Variants in ITIH5 observed in about 807,000 individuals in gnomAD.
ITIH5 encodes the protein inter-alpha-trypsin inhibitor heavy chain H5.
ITIH5 carries 65 observed loss-of-function variants against 77.5 expected under a neutral mutation model. The ratio of observed to expected loss-of-function variants is 0.84; its 90% confidence interval spans 0.69 to 1.03. The LOEUF (loss-of-function observed/expected upper bound fraction) is 1.03, where lower values mean the gene tolerates loss of function less well. ITIH5 is among the 50% of genes least tolerant of loss of function. ITIH5 has a pLI of 0.00. For synonymous variants in ITIH5, 525 were observed against 494.3 expected (o/e 1.06, Z -0.82); for missense variants, 1,208 against 1,213.1 (o/e 1.00, Z 0.06).
At chr10:7,599,723 GA>G (rs1478214490) in intron 7 of ITIH5, among the ~76,000 whole-genome samples, 6 of 152,154 alleles carry the variant, frequency 3.9e-5, no homozygotes, top group Admixed American at 2.0e-4. Flanking sequence ...GACAGGCTGG[GA>G]AAAAGCCATG....
chr10:7,659,187 G>A (rs543981489), intron 1 of ITIH5, among the ~76,000 whole-genome samples: 58 of 152,184 alleles, frequency 3.8e-4, no homozygotes, highest in African/African-American at 1.4e-3. Context: ...AACCAACCTG[G>A]CCAACATGGT....
intron 10 of ITIH5, among the ~76,000 whole-genome samples, chr10:7,575,876 T>C (rs143293661): frequency 6.6e-6 from 1 of 152,354 alleles, no homozygotes; most frequent in African/African-American, 2.4e-5. Flanking sequence ...TGATGCTTTA[T>C]TGATGGACTG....
At chr10:7,666,447 C>G (rs1461714083) in intron 1 of ITIH5, among the ~76,000 whole-genome samples, 1 of 152,026 alleles carries the variant, frequency 6.6e-6, no homozygotes, top group Non-Finnish European at 1.5e-5. Flanking sequence ...ATGATAACAG[C>G]AGACTGCCCC....
At chr10:7,566,498 C>A (rs942463007) in intron 12 of ITIH5, 91 bp from the exon 13 acceptor site, 3 of 1,317,490 alleles carry the variant, frequency 2.3e-6, no homozygotes, top group East Asian at 2.3e-5. Context: ...AAGGCCAGGG[C>A]AGGTGGATTG....
chr10:7,609,816 G>C (rs1006602787), intron 7 of ITIH5, among the ~76,000 whole-genome samples: 2 of 152,066 alleles, frequency 1.3e-5, no homozygotes, highest in Non-Finnish European at 2.9e-5. Context: ...GTCACTGCTT[G>C]GTTGCCAAAG....
intron 7 of ITIH5, among the ~76,000 whole-genome samples, chr10:7,591,078 G>T (rs1321424971): frequency 1.3e-5 from 2 of 152,174 alleles, no homozygotes; most frequent in Non-Finnish European, 2.9e-5. Flanking sequence ...TTCTATTTTA[G>T]TAGAGACGGG....
chr10:7,568,481 T>C lies in ITIH5; in HGVS notation c.2149+1187A>G, dbSNP rs574600721. The stretch of plus-strand genomic sequence containing the variant: ...AATAGGAGGTATTTCCAAGGACATA[T>C]ACAGTTAGGCCCCTATCTTGCTCCT... On this transcript the variant is annotated intron_variant, in intron 12 of 13. Transcript: ENST00000397146. Among the ~76,000 whole-genome samples, 31 of 152,268 alleles carry C rather than the reference T, an allele frequency of 2.0e-4. 1 individual carries two copies. The highest frequency in any genetic ancestry group is 1.5e-3 in the South Asian group (7 of 4,824).
chr10:7,619,737 G>A, intron 5 of ITIH5: 1 of 180,166 alleles, frequency 5.6e-6, no homozygotes, highest in Admixed American at 5.5e-5. Flanking sequence ...TCACTATCAC[G>A]AGAACAGCAA....
chr10:7,567,796 C>A (rs2130942126), intron 12 of ITIH5, among the ~76,000 whole-genome samples: 1 of 152,248 alleles, frequency 6.6e-6, no homozygotes, highest in South Asian at 2.1e-4. Context: ...ATCACTTAAA[C>A]CCAGGAGGTG....
intron 7 of ITIH5, among the ~76,000 whole-genome samples, chr10:7,595,650 T>C (rs573070553): frequency 1.1e-4 from 17 of 152,252 alleles, no homozygotes; most frequent in Non-Finnish European, 1.9e-4. Flanking sequence ...TTAGATTTAC[T>C]ATTAAGTAAG....
chr10:7,598,216 T>C (rs1303485616), intron 7 of ITIH5, among the ~76,000 whole-genome samples: 3 of 152,322 alleles, frequency 2.0e-5, no homozygotes, highest in South Asian at 4.1e-4. Flanking sequence ...ATATAATTCA[T>C]ATTAAAAATA....
intron 7 of ITIH5, among the ~76,000 whole-genome samples, chr10:7,599,272 G>C (rs1182114105): frequency 6.6e-6 from 1 of 152,102 alleles, no homozygotes; most frequent in East Asian, 1.9e-4. Flanking sequence ...TAGTACATAG[G>C]CTTGACAGCC....
chr10:7,656,977 C>T lies in ITIH5; in HGVS notation c.91-1302G>A, dbSNP rs551891745. 1.2e-4 allele frequency among the ~76,000 whole-genome samples: 18 copies of T among 149,926 alleles called. No individual in the cohort carries two copies. In the South Asian group the frequency reaches 2.5e-3, roughly 21 times the overall value. On this transcript the variant is annotated intron_variant, in intron 1 of 13. Transcript: ENST00000397146. ...CAGGCTGGTCTCGAACTCCTGACCTCGTGATTCACCTGCCTTGGCCTCCCA... is the reference window on the plus strand; with the variant it reads ...CAGGCTGGTCTCGAACTCCTGACCTTGTGATTCACCTGCCTTGGCCTCCCA...
rs573021557 is a variant in ITIH5 at position 7,644,490 on chromosome 10, T to G, written c.136-2400A>C. On this transcript the variant is annotated intron_variant, in intron 2 of 13. Coordinates refer to ENST00000397146, the MANE Select transcript of ITIH5 (RefSeq NM_030569.7). ...TATAGATCATATATAATCACATATATATCATAATCACATATATATGATATA... is the reference window on the plus strand; with the variant it reads ...TATAGATCATATATAATCACATATAGATCATAATCACATATATATGATATA... Among the ~76,000 whole-genome samples, 15 of 132,242 alleles carry G rather than the reference T, an allele frequency of 1.1e-4. 1 individual carries two copies. The highest frequency in any genetic ancestry group is 7.0e-4 in the South Asian group (3 of 4,296). 86.8% of individuals were successfully genotyped at this position (132,242 alleles called of 152,430 possible).
intron 12 of ITIH5, among the ~76,000 whole-genome samples, chr10:7,568,996 CTT>C (rs1178652740): frequency 6.8e-5 from 9 of 132,048 alleles, no homozygotes; most frequent in African/African-American, 2.2e-4. Flanking sequence ...GTTTTCTTTT[CTT>C]TTTTTCTTTT....
chr10:7,653,422 G>T (rs1011942346), intron 2 of ITIH5, among the ~76,000 whole-genome samples: 2 of 152,102 alleles, frequency 1.3e-5, no homozygotes, highest in African/African-American at 2.4e-5. Flanking sequence ...TAGCCAGGCT[G>T]GTCTTGAACT....
At chr10:7,640,954 T>C (rs1833876251) in intron 3 of ITIH5, 99 bp from the exon 4 acceptor site, 1 of 839,104 alleles carries the variant, frequency 1.2e-6, no homozygotes, top group South Asian at 1.4e-5. Context: ...TATTTTTATT[T>C]GCCTTTTGGA....
Position 7,561,281 on chromosome 10 carries a change from C to T in ITIH5, c.*1802G>A, listed in dbSNP as rs1476999504. On this transcript the variant is annotated 3_prime_UTR_variant, in exon 14 of 14. Coordinates refer to ENST00000397146, the MANE Select transcript of ITIH5 (RefSeq NM_030569.7). The stretch of plus-strand genomic sequence containing the variant: ...CTCATTTCTGCAGTGTCGAGACTTA[C>T]ACCTGGAACAACAGATCACTGCTCC... 4 of 152,248 alleles carry T rather than the reference C, an allele frequency of 2.6e-5. No homozygotes were observed. The highest frequency in any genetic ancestry group is 7.2e-5 in the African/African-American group (3 of 41,458). 9.4% of individuals were successfully genotyped at this position (152,248 alleles called of 1,614,324 possible). A position where few individuals can be genotyped will look rare whatever the true frequency, so the allele number is the denominator to read the frequency against.
At chr10:7,609,618 T>G in intron 7 of ITIH5, 1 of 377,866 alleles carries the variant, frequency 2.6e-6, no homozygotes, top group South Asian at 2.0e-5. Context: ...TCATTTTAAC[T>G]TGACAATTAC....
Sources: gnomAD v4.1 joint callset for allele counts (sites outside exome capture counted in the v4.1 genomes callset) on GRCh38, gnomAD v4.1.1 for gene constraint, MANE v1.5 for transcripts, NCBI Gene and HGNC (gene_info 2026-07-23, HGNC 2026-07-21) for gene names.